FBXO25: variants seen among roughly 807,000 people sequenced by gnomAD.
FBXO25 encodes F-box only protein 25.
A neutral mutation model predicts 51.9 loss-of-function variants in FBXO25; 45 were observed. The ratio of observed to expected loss-of-function variants is 0.87; its 90% CI spans 0.68 to 1.11. FBXO25 has a LOEUF of 1.11. Ranked by LOEUF, FBXO25 falls within the 50% of genes most tolerant of loss-of-function variation. The probability of loss-of-function intolerance (pLI) is 0.00; values close to 1 mark genes in which losing one functional copy is unlikely to be tolerated. For missense variants in FBXO25, 507 were observed against 428.5 expected, an observed-to-expected ratio of 1.18 and a Z score of -1.62; for synonymous variants, 199 against 151.0, an observed-to-expected ratio of 1.32 and a Z score of -2.33.
intron 1 of FBXO25, among the ~76,000 whole-genome samples, chr8:408,175 C>G (rs1419744711): frequency 6.6e-6 from 1 of 152,112 alleles, no homozygotes; most frequent in East Asian, 1.9e-4. Flanking sequence ...TCAAATTTGT[C>G]CACACTTATA....
intron 2 of FBXO25, among the ~76,000 whole-genome samples, chr8:421,019 T>C (rs1797121372): frequency 6.6e-6 from 1 of 152,224 alleles, no homozygotes; most frequent in African/African-American, 2.4e-5. Flanking sequence ...CCCCAACCCC[T>C]AGGCCATGGA....
chr8:408,814 T>C (rs1796320975), intron 1 of FBXO25, among the ~76,000 whole-genome samples: 1 of 152,222 alleles, frequency 6.6e-6, no homozygotes, highest in Admixed American at 6.5e-5. Flanking sequence ...TAGTTAATCA[T>C]TGTAGGCTGT....
At chr8:409,318 G>A (rs1449545481) in intron 1 of FBXO25, among the ~76,000 whole-genome samples, 4 of 152,162 alleles carry the variant, frequency 2.6e-5, no homozygotes, top group Non-Finnish European at 5.9e-5. Context: ...CATCTTCAGA[G>A]AAACAAATCT....
At position 451,886 on chromosome 8, in the gene FBXO25, CA is replaced by C. The variant is rs1799122966; in HGVS notation, c.660+435del. ...GTTTATAGTTCTTAGCAACAGTGAACAAGGCCAAAAGAAGGTGCAAATCATG... is the reference window on the plus strand; with the variant it reads ...GTTTATAGTTCTTAGCAACAGTGAACAGGCCAAAAGAAGGTGCAAATCATG... On this transcript the variant is annotated intron_variant, in intron 7 of 9. Coordinates refer to ENST00000350302, the MANE Select transcript of FBXO25 (RefSeq NM_183420.2). 2.0e-5 allele frequency among the ~76,000 whole-genome samples: 3 copies of C among 152,248 alleles called. No individual in the cohort carries two copies. In the South Asian group the frequency reaches 6.2e-4, roughly 32 times the overall value.
At chr8:436,507 A>G (rs1798111195) in intron 5 of FBXO25, among the ~76,000 whole-genome samples, 1 of 152,204 alleles carries the variant, frequency 6.6e-6, no homozygotes, top group African/African-American at 2.4e-5. Context: ...TCTGAGCAGA[A>G]TTTCCAGGGC....
chr8:432,831 C>G, intron 3 of FBXO25, 55 bp from the exon 4 acceptor site: 1 of 1,475,896 alleles, frequency 6.8e-7, no homozygotes, highest in South Asian at 1.3e-5. Context: ...CCTTTAAAAT[C>G]TTCATTTTGA....
chr8:418,442 C>T lies in FBXO25; in HGVS notation c.134+5229C>T, dbSNP rs1313908225. The stretch of plus-strand genomic sequence containing the variant: ...GCAACCTGTGCCTCCTGGGTTCAAG[C>T]AATTCTCCTGCCTCAGCCTCCTGAG... On this transcript the variant is annotated intron_variant, in intron 2 of 9. Coordinates refer to ENST00000350302, the MANE Select transcript of FBXO25 (RefSeq NM_183420.2). Among the ~76,000 whole-genome samples, 7 of 145,460 alleles carry T rather than the reference C, an allele frequency of 4.8e-5. No homozygotes were observed. The Admixed American group carries it at 5.0e-4, about 10-fold the overall frequency.
At position 451,462 on chromosome 8, in the gene FBXO25, A is replaced by T; in HGVS notation, c.660+9A>T. ...ATCTTCAGATGACTAAGGTATAAATATCTCGGCATAAGAGTTATTACACTC... is the reference window on the plus strand; with the variant it reads ...ATCTTCAGATGACTAAGGTATAAATTTCTCGGCATAAGAGTTATTACACTC... On this transcript the variant is annotated intron_variant, in intron 7 of 9. Transcript: ENST00000350302. The T allele has an allele frequency of 1.9e-6, 3 of 1,611,724 alleles. No homozygotes were observed. The highest frequency in any genetic ancestry group is 2.5e-6 in the Non-Finnish European group (3 of 1,179,070).
chr8:465,377 T>C (rs1304691230), intron 9 of FBXO25, among the ~76,000 whole-genome samples: 2 of 152,248 alleles, frequency 1.3e-5, no homozygotes, highest in African/African-American at 4.8e-5. Flanking sequence ...CAGATTGTTT[T>C]GTACTATAGA....
At chr8:428,754 T>C (rs1011030295) in intron 2 of FBXO25, among the ~76,000 whole-genome samples, 4 of 152,208 alleles carry the variant, frequency 2.6e-5, no homozygotes, top group Non-Finnish European at 5.9e-5. Context: ...TTTGTATGAT[T>C]TGACTTTTCT....
chr8:439,140 C>G (rs1197354839), intron 5 of FBXO25, among the ~76,000 whole-genome samples: 1 of 152,196 alleles, frequency 6.6e-6, no homozygotes, highest in African/African-American at 2.4e-5. Flanking sequence ...AGAACTGGGT[C>G]CTGATCCTAT....
At chr8:432,264 A>G (rs1585038296) in intron 3 of FBXO25, among the ~76,000 whole-genome samples, 1 of 151,772 alleles carries the variant, frequency 6.6e-6, no homozygotes, top group Non-Finnish European at 1.5e-5. Context: ...CAAAGGGAGG[A>G]TTTGCATCCC....
At position 476,608 on chromosome 8, in the gene FBXO25, C is replaced by T. The variant is rs768245270; in HGVS notation, c.*7804C>T. ...GGCTGTGTGTTTCTAAGAATTTGTC[C>T]AGTTCATCTAGGTTATCCAATTCTT... is the stretch of plus-strand genomic sequence containing the variant. On this transcript the variant is annotated 3_prime_UTR_variant, in exon 10 of 10. Coordinates refer to ENST00000350302, the MANE Select transcript of FBXO25 (RefSeq NM_183420.2). The T allele has an allele frequency of 1.3e-5, 2 of 152,016 alleles. No homozygotes were observed. The highest frequency in any genetic ancestry group is 6.6e-5 in the Admixed American group (1 of 15,262). 9.4% of individuals were successfully genotyped at this position (152,016 alleles called of 1,614,324 possible).
chr8:459,237 T>C (rs1799651327), intron 8 of FBXO25, among the ~76,000 whole-genome samples: 1 of 152,234 alleles, frequency 6.6e-6, no homozygotes, highest in Non-Finnish European at 1.5e-5. Flanking sequence ...AGGCATGTTG[T>C]GCTCCTCGTG....
intron 1 of FBXO25, 43 bp from the exon 2 acceptor site, chr8:413,030 A>G: frequency 7.4e-7 from 1 of 1,351,870 alleles, no homozygotes. Flanking sequence ...AGAAACTTTT[A>G]TGAATTATAT....
intron 2 of FBXO25, among the ~76,000 whole-genome samples, chr8:418,906 A>G (rs762165838): frequency 4.6e-5 from 7 of 152,326 alleles, no homozygotes; most frequent in Non-Finnish European, 8.8e-5. Context: ...TGGATTTTAG[A>G]ATGAACTGTA....
In FBXO25 at chr8:407,282, G is replaced by A. The variant is rs1467933912; in HGVS notation, c.-8+216G>A. The stretch of plus-strand genomic sequence containing the variant: ...TGGGAGGGTCAGGTGGGGACCGGGG[G>A]CCTCGGGCGCGTCAGGTGGGGACGG... On this transcript the variant is annotated intron_variant, in intron 1 of 9. Coordinates refer to ENST00000350302, the MANE Select transcript of FBXO25 (RefSeq NM_183420.2). The A allele has an allele frequency of 1.3e-4, 122 of 911,146 alleles. No individual in the cohort carries two copies. In the South Asian group the frequency reaches 5.3e-3, roughly 40 times the overall value. 56.4% of individuals were successfully genotyped at this position (911,146 alleles called of 1,614,324 possible). A position where few individuals can be genotyped will look rare whatever the true frequency, so the allele number is the denominator to read the frequency against.
chr8:434,925 T>C (rs185466347), intron 4 of FBXO25, among the ~76,000 whole-genome samples: 2 of 151,886 alleles, frequency 1.3e-5, no homozygotes, highest in Non-Finnish European at 2.9e-5. Context: ...TAAACACCAG[T>C]TTTTTTTGGT....
intron 5 of FBXO25, among the ~76,000 whole-genome samples, chr8:448,855 A>T (rs1400769989): frequency 2.0e-5 from 3 of 152,236 alleles, no homozygotes; most frequent in African/African-American, 7.2e-5. Context: ...TAACAGGCTA[A>T]GATGTGTTGT....
Sources: gnomAD v4.1 joint callset for allele counts (sites outside exome capture counted in the v4.1 genomes callset) on GRCh38, gnomAD v4.1.1 for gene constraint, MANE v1.5 for transcripts, NCBI Gene and HGNC (gene_info 2026-07-23, HGNC 2026-07-21) for gene names.